Variants in KASH5 observed in about 807,000 individuals in gnomAD.
KASH5 encodes the protein KASH domain containing 5.
KASH5 carries 72 observed loss-of-function variants against 84.2 expected under a neutral mutation model. The observed-to-expected ratio is 0.85, with a 90% CI of 0.71 to 1.04. KASH5 has a LOEUF of 1.04. Ranked by LOEUF, KASH5 falls within the 50% of genes least tolerant of loss-of-function variation. The pLI is 0.00. For missense variants in KASH5, 650 were observed against 701.0 expected (o/e 0.93, Z 0.82); for synonymous variants, 260 against 279.1 (o/e 0.93, Z 0.68).
intron 12 of KASH5, 131 bp from the exon 13 acceptor site, chr19:49,408,836 T>C (rs1200105241): frequency 3.7e-6 from 3 of 801,432 alleles, no homozygotes; most frequent in African/African-American, 1.7e-5. Flanking sequence ...CCCTTGTCCC[T>C]AGGCAGTATG....
intron 15 of KASH5, among the ~76,000 whole-genome samples, chr19:49,410,477 C>T (rs1974674582): frequency 6.8e-6 from 1 of 147,742 alleles, no homozygotes; most frequent in African/African-American, 2.5e-5. Context: ...AACACACCAC[C>T]ATGACTGGCT....
Position 49,414,833 on chromosome 19 carries a change from C to T in KASH5, c.1329-118C>T. ...GCTGCCTGGCCTCCCCCAGGCCCGT[C>T]CGTGCTGCCTGGCCTGTGCTAAGAC... On this transcript the variant is annotated intron_variant, in intron 16 of 19. Transcript: ENST00000447857. This position sits in a 1 kb window ranked among gnomAD's most constrained non-coding sequence, Gnocchi z 4.5. The T allele has an allele frequency of 8.5e-7, 1 of 1,171,680 alleles. No individual in the cohort carries two copies. Among genetic ancestry groups the T allele is most frequent in the Non-Finnish European group, 1.2e-6 (1 of 804,420 alleles). 72.6% of individuals were successfully genotyped at this position (1,171,680 alleles called of 1,614,324 possible).
Position 49,410,325 on chromosome 19 carries a change from GT to G in KASH5, c.1269+458del, listed in dbSNP as rs969260489. 1.6e-4 allele frequency among the ~76,000 whole-genome samples: 25 copies of G among 151,860 alleles called. No individual in the cohort carries two copies. The East Asian group carries it at 3.9e-3, about 24-fold the overall frequency. ...CTTTAACTCAGCAATAACCATTGGG[GT>G]TTTTTTTGTTTTTTGTTTTTAGAGA... On this transcript the variant is annotated intron_variant, in intron 15 of 19. Transcript: ENST00000447857.
In KASH5 at chr19:49,417,808, C is replaced by T; in HGVS notation, c.*298C>T. ...AGTCTCGGTTGCCTTGGGGTCAGGG[C>T]CTCAGTGATTCTCCTGTCCCCTCCC... On this transcript the variant is annotated 3_prime_UTR_variant, in exon 20 of 20. Coordinates refer to ENST00000447857, the MANE Select transcript of KASH5 (RefSeq NM_144688.5). The surrounding 1 kb of genome is among the most constrained non-coding windows in gnomAD (Gnocchi z 5.2). 3.0e-6 allele frequency: 1 copy of T among 338,512 alleles called. No individual in the cohort carries two copies. The highest frequency in any genetic ancestry group is 5.3e-6 in the Non-Finnish European group (1 of 187,912). The allele number at this position is 338,512 out of a possible 1,614,324, so 21.0% of individuals were successfully genotyped here.
intron 9 of KASH5, among the ~76,000 whole-genome samples, chr19:49,402,615 G>A (rs1015159759): frequency 1.1e-4 from 17 of 152,124 alleles, no homozygotes; most frequent in Admixed American, 1.1e-3. Context: ...GCTGAGGCAG[G>A]AGAATCACTT....
Position 49,391,029 on chromosome 19 carries a change from G to T in KASH5, c.43+103G>T. Reference sequence around the variant, plus strand: ...GGGGACTTGGGAGAGGTGGCTGGGGGTGGCTGAGCCTTTGCATGGGTGCAG... The same window carrying T: ...GGGGACTTGGGAGAGGTGGCTGGGGTTGGCTGAGCCTTTGCATGGGTGCAG... On this transcript the variant is annotated intron_variant, in intron 2 of 19. Transcript: ENST00000447857. 7 of 1,348,874 alleles carry T rather than the reference G, an allele frequency of 5.2e-6. No individual in the cohort carries two copies. The South Asian group carries it at 7.5e-5, about 14-fold the overall frequency. 83.6% of individuals were successfully genotyped at this position (1,348,874 alleles called of 1,614,324 possible).
At chr19:49,410,568 C>T (rs994064646) in intron 15 of KASH5, among the ~76,000 whole-genome samples, 13 of 151,464 alleles carry the variant, frequency 8.6e-5, no homozygotes, top group Non-Finnish European at 1.3e-4. Context: ...ACTGCAACCT[C>T]CACCTCCCAG....
chr19:49,389,255 CCAGAGACCCCTGAAATCCAGT>C (rs1256709160), intron 1 of KASH5, among the ~76,000 whole-genome samples: 5 of 141,010 alleles, frequency 3.5e-5, no homozygotes, highest in Non-Finnish European at 4.7e-5. Flanking sequence ...CGAAATCCAG[CCAGAGACCCCTGAAATCCAGT>C]CAGAGACCCC....
intron 9 of KASH5, among the ~76,000 whole-genome samples, chr19:49,403,441 C>T (rs1974430344): frequency 6.6e-6 from 1 of 152,174 alleles, no homozygotes; most frequent in Non-Finnish European, 1.5e-5. Context: ...AGAAGCCTCT[C>T]ACCCCACCCC....
intron 2 of KASH5, among the ~76,000 whole-genome samples, chr19:49,392,344 T>A (rs972766527): frequency 6.6e-6 from 1 of 151,254 alleles, no homozygotes; most frequent in Admixed American, 6.6e-5. Flanking sequence ...GGGAGAAAGA[T>A]AGAGAGAAAG....
rs1311824226 is a variant in KASH5 at position 49,394,461 on chromosome 19, C to A, written c.44-15C>A. ...ATTCTTCCCACTGGTGAGCTGAGCCCTCTTGTCTCCCCAGTGTACCTCCGG... is the reference window on the plus strand; with the variant it reads ...ATTCTTCCCACTGGTGAGCTGAGCCATCTTGTCTCCCCAGTGTACCTCCGG... On this transcript the variant is annotated splice_polypyrimidine_tract_variant and intron_variant, in intron 2 of 19. Transcript: ENST00000447857. The A allele has an allele frequency of 1.2e-6, 2 of 1,607,040 alleles. No homozygotes were observed. The highest frequency in any genetic ancestry group is 4.5e-5 in the East Asian group (2 of 44,834).
intron 15 of KASH5, among the ~76,000 whole-genome samples, chr19:49,411,241 T>A (rs1218648528): frequency 3.3e-5 from 5 of 151,716 alleles, no homozygotes; most frequent in African/African-American, 1.2e-4. Flanking sequence ...CTGGGCTCTC[T>A]CTCTATTTTT....
intron 2 of KASH5, among the ~76,000 whole-genome samples, chr19:49,392,344 TAGAG>T (rs35450443): frequency 0.49 from 74,099 of 151,246 alleles, 18,237 homozygotes; most frequent in South Asian, 0.63. Flanking sequence ...GGGAGAAAGA[TAGAG>T]AGAAAGAGCC....
intron 1 of KASH5, among the ~76,000 whole-genome samples, chr19:49,389,376 G>A (rs1039444547): frequency 6.6e-6 from 1 of 150,768 alleles, no homozygotes; most frequent in African/African-American, 2.4e-5. Context: ...GCCCTTGAAA[G>A]CCCGCCAAGG....
At chr19:49,408,226 C>G (rs1178788919) in intron 12 of KASH5, 1 of 169,492 alleles carries the variant, frequency 5.9e-6, no homozygotes, top group African/African-American at 2.4e-5. Context: ...CCCTCCTTAT[C>G]TTTATGTGTC....
chr19:49,401,958 G>C (rs10410843), intron 9 of KASH5, among the ~76,000 whole-genome samples: 83,854 of 152,024 alleles, frequency 0.55, 23,268 homozygotes, highest in South Asian at 0.65. Context: ...GAATGAAAAA[G>C]TTGCCAGGCG....
chr19:49,416,914 C>CTCCA lies in KASH5; in HGVS notation c.1375-100_1375-97dup, dbSNP rs1306440809. The CTCCA allele has an allele frequency of 1.7e-6, 2 of 1,187,590 alleles. No individual in the cohort carries two copies. Among genetic ancestry groups the CTCCA allele is most frequent in the African/African-American group, 3.0e-5 (2 of 65,816 alleles). The allele number at this position is 1,187,590 out of a possible 1,614,324, so 73.6% of individuals were successfully genotyped here. ...GAAGTGCACTCACTTATCTCCTGAG[C>CTCCA]TCCACCACTTTCTATGTGGCCACTT... On this transcript the variant is annotated intron_variant, in intron 17 of 19. Coordinates refer to ENST00000447857, the MANE Select transcript of KASH5 (RefSeq NM_144688.5). The surrounding 1 kb of genome is among the most constrained non-coding windows in gnomAD (Gnocchi z 5.4).
intron 1 of KASH5, among the ~76,000 whole-genome samples, chr19:49,388,771 C>T (rs1180086797): frequency 6.6e-6 from 1 of 152,034 alleles, no homozygotes; most frequent in Admixed American, 6.6e-5. Flanking sequence ...ATAGTTGACC[C>T]CCGAAATCCT....
rs1974770898 is a variant in KASH5, at chr19:49,413,015, G to A, written c.1317G>A (p.Glu439=). 6.2e-7 allele frequency: 1 copy of A among 1,612,908 alleles called. No individual in the cohort carries two copies. Among genetic ancestry groups the A allele is most frequent in the African/African-American group, 1.3e-5 (1 of 75,028 alleles). ...EPAHPEEGRK[E]PSMWLTRREE... is the part of the protein sequence containing the mutation. ...CGCACCCTGAAGAAGGAAGGAAGGAGCCATCCATGTGGTAAGGAGCTGAGC... is the reference window on the plus strand; with the variant it reads ...CGCACCCTGAAGAAGGAAGGAAGGAACCATCCATGTGGTAAGGAGCTGAGC... Residue 439 remains glutamate (E), a synonymous_variant, in exon 16 of 20, where the codon GAG becomes GAA. Coordinates refer to ENST00000447857, the MANE Select transcript of KASH5 (RefSeq NM_144688.5).
Sources: allele counts gnomAD v4.1 joint callset (sites outside exome capture counted in the v4.1 genomes callset), GRCh38; gene constraint gnomAD v4.1.1; non-coding constraint Gnocchi (gnomAD v3.1); transcripts MANE v1.5; gene names NCBI Gene and HGNC (gene_info 2026-07-23, HGNC 2026-07-21).